Variants in FAM133A observed in about 807,000 individuals in gnomAD.
FAM133A encodes family with sequence similarity 133 member A, also known as protein FAM133A.
For missense variants in FAM133A, 159 were observed against 164.4 expected (o/e 0.97, Z 0.18); for synonymous variants, 65 against 58.6 (o/e 1.11, Z -0.50).
At chrX:93,700,411 G>A (rs1041832103) in intron 3 of FAM133A, among the ~76,000 whole-genome samples, 1 of 111,315 alleles carries the variant, frequency 9.0e-6, no homozygotes, top group African/African-American at 3.3e-5. Flanking sequence ...GTGAATGAAT[G>A]AATCACCTAC....
Position 93,701,642 on chromosome X carries a change from A to C in FAM133A, c.-104+3157A>C, listed in dbSNP as rs529577730. Among the ~76,000 whole-genome samples, 19 of 111,980 alleles carry C rather than the reference A, an allele frequency of 1.7e-4. 1 individual carries two copies. In the South Asian group the frequency reaches 6.3e-3, roughly 37 times the overall value. On this transcript the variant is annotated intron_variant, in intron 3 of 3. Coordinates refer to ENST00000683942, the MANE Select transcript of FAM133A (RefSeq NM_001171109.2). ...CTAGAGCAAAATCTGTTGTCAAGAAAGAATCAAGAAAGTTACTAGTGAGTA... is the reference window on the plus strand; with the variant it reads ...CTAGAGCAAAATCTGTTGTCAAGAACGAATCAAGAAAGTTACTAGTGAGTA...
chrX:93,701,350 C>A (rs10127399), intron 3 of FAM133A, among the ~76,000 whole-genome samples: 47,677 of 110,364 alleles, frequency 0.43, 7,861 homozygotes, highest in Admixed American at 0.54. Context: ...TTTGAGGAAC[C>A]TTGTCAAGGA....
intron 2 of FAM133A, among the ~76,000 whole-genome samples, chrX:93,691,566 G>C (rs947189728): frequency 8.9e-6 from 1 of 111,946 alleles, no homozygotes; most frequent in Non-Finnish European, 1.9e-5. Context: ...AAATCAGAAA[G>C]TATGAGTCAT....
rs770872834 is a variant in FAM133A, at chrX:93,690,869, G to A, written c.-192-7528G>A. 1.1e-4 allele frequency among the ~76,000 whole-genome samples: 12 copies of A among 111,601 alleles called. No individual in the cohort carries two copies. In the South Asian group the frequency reaches 1.5e-3, roughly 14 times the overall value. On this transcript the variant is annotated intron_variant, in intron 2 of 3. Coordinates refer to ENST00000683942, the MANE Select transcript of FAM133A (RefSeq NM_001171109.2). ...ATGCACTGTGGGCCACTTTCTGTGC[G>A]TCCTCATCAACACTTGGTATAATTT... is the stretch of plus-strand genomic sequence containing the variant.
chrX:93,676,409 T>C (rs1319283398), intron 2 of FAM133A, among the ~76,000 whole-genome samples: 5 of 111,398 alleles, frequency 4.5e-5, no homozygotes, highest in African/African-American at 1.6e-4. Flanking sequence ...GGTAAGATTG[T>C]CTTTTCATAT....
intron 2 of FAM133A, among the ~76,000 whole-genome samples, 192 bp downstream of exon 2, chrX:93,674,944 C>T (rs763302539): frequency 9.0e-6 from 1 of 111,674 alleles, no homozygotes; most frequent in Admixed American, 9.5e-5. Context: ...ACCGCATTAA[C>T]TATCTAAACC....
chrX:93,687,631 C>T (rs571746761), intron 2 of FAM133A, among the ~76,000 whole-genome samples: 8 of 111,773 alleles, frequency 7.2e-5, no homozygotes, highest in African/African-American at 2.6e-4. Flanking sequence ...ATATGCATCA[C>T]CTTAAACATC....
rs767010042 is a variant in FAM133A at position 93,697,167 on chromosome X, TTATA to T, written c.-192-1209_-192-1206del. 8.0e-4 allele frequency among the ~76,000 whole-genome samples: 75 copies of T among 93,719 alleles called. 2 individuals carry two copies. The highest frequency in any genetic ancestry group is 2.1e-3 in the African/African-American group (50 of 23,634). 81.4% of individuals were successfully genotyped at this position (93,719 alleles called of 115,157 possible). On this transcript the variant is annotated intron_variant, in intron 2 of 3. Coordinates refer to ENST00000683942, the MANE Select transcript of FAM133A (RefSeq NM_001171109.2). ...TGTATTTTTAATAAATATAGGCAAG[TTATA>T]TATATATATATATATATATAATATA...
chrX:93,703,100 A>T (rs1312908186), intron 3 of FAM133A, among the ~76,000 whole-genome samples: 2 of 111,349 alleles, frequency 1.8e-5, no homozygotes, highest in Non-Finnish European at 3.8e-5. Context: ...GAGGCAACAG[A>T]ATCGCTTGAG....
chrX:93,674,510 C>T (rs1245949439), intron 1 of FAM133A, among the ~76,000 whole-genome samples, 171 bp from the exon 2 acceptor site: 1 of 111,447 alleles, frequency 9.0e-6, no homozygotes, highest in Non-Finnish European at 1.9e-5. Flanking sequence ...GGAATTTGTG[C>T]TAATGAATGT....
At chrX:93,679,958 T>TTTTTTTTC (rs1569344510) in intron 2 of FAM133A, among the ~76,000 whole-genome samples, 1 of 72,858 alleles carries the variant, frequency 1.4e-5, no homozygotes, top group African/African-American at 5.2e-5. Context: ...TTTTTTTTTT[T>TTTTTTTTC]AGTAGAGACA....
intron 3 of FAM133A, among the ~76,000 whole-genome samples, chrX:93,700,623 C>T (rs1427267619): frequency 9.0e-6 from 1 of 111,116 alleles, no homozygotes; most frequent in Non-Finnish European, 1.9e-5. Context: ...ATGCTTCTGA[C>T]CATTACGTGC....
intron 3 of FAM133A, among the ~76,000 whole-genome samples, chrX:93,704,833 TC>T (rs1004038959): frequency 7.1e-5 from 8 of 111,899 alleles, no homozygotes; most frequent in African/African-American, 2.3e-4. Context: ...ATTCAGCTTT[TC>T]CTTTGTACCT....
intron 2 of FAM133A, among the ~76,000 whole-genome samples, chrX:93,693,182 A>T (rs1330748395): frequency 9.0e-6 from 1 of 111,399 alleles, no homozygotes; most frequent in African/African-American, 3.3e-5. Flanking sequence ...CAAACTAATG[A>T]CATTTTAAAA....
chrX:93,686,102 C>G (rs1354127645), intron 2 of FAM133A, among the ~76,000 whole-genome samples: 1 of 57,610 alleles, frequency 1.7e-5, no homozygotes, highest in Non-Finnish European at 3.1e-5. Flanking sequence ...AGTGAGACTC[C>G]ATCTCAAAAA....
At chrX:93,691,345 T>C (rs1925879258) in intron 2 of FAM133A, among the ~76,000 whole-genome samples, 2 of 112,030 alleles carry the variant, frequency 1.8e-5, no homozygotes, top group Admixed American at 1.9e-4. Context: ...GTGAAGTGTC[T>C]AATTTCTTTC....
At chrX:93,694,556 A>C (rs1471918195) in intron 2 of FAM133A, among the ~76,000 whole-genome samples, 1 of 111,829 alleles carries the variant, frequency 8.9e-6, no homozygotes, top group Non-Finnish European at 1.9e-5. Context: ...ATAGACCGTG[A>C]TTATAAATTG....
intron 3 of FAM133A, among the ~76,000 whole-genome samples, chrX:93,700,489 T>C (rs1926620727): frequency 9.0e-6 from 1 of 111,386 alleles, no homozygotes; most frequent in African/African-American, 3.3e-5. Flanking sequence ...TTTTAAATTT[T>C]CTCCCTCTGA....
At chrX:93,691,111 T>C (rs1925860235) in intron 2 of FAM133A, among the ~76,000 whole-genome samples, 1 of 112,099 alleles carries the variant, frequency 8.9e-6, no homozygotes, top group Non-Finnish European at 1.9e-5. Context: ...CTTATGTTCT[T>C]TTAATGATGA....
Sources: gnomAD v4.1 joint callset for allele counts (sites outside exome capture counted in the v4.1 genomes callset) on GRCh38, gnomAD v4.1.1 for gene constraint, MANE v1.5 for transcripts, NCBI Gene and HGNC (gene_info 2026-07-23, HGNC 2026-07-21) for gene names.